Variants in MED27 observed in about 807,000 individuals in gnomAD.
MED27 encodes the protein mediator of RNA polymerase II transcription subunit 27.
MED27 carries 30 observed loss-of-function variants against 38.2 expected under a neutral mutation model. The observed-to-expected ratio is 0.79, with a 90% CI of 0.59 to 1.07. The LOEUF (loss-of-function observed/expected upper bound fraction) is 1.07, where lower values mean the gene tolerates loss of function less well. Among genes scored for constraint, MED27 ranks in the 50% least tolerant of loss-of-function variants. The pLI, the probability that MED27 is intolerant of heterozygous loss-of-function variation, is 0.00. For synonymous variants in MED27, 122 were observed against 153.5 expected (o/e 0.79, Z 1.52); for missense variants, 289 against 397.5 (o/e 0.73, Z 2.32).
intron 5 of MED27, among the ~76,000 whole-genome samples, chr9:131,888,034 C>T (rs575296113): frequency 1.2e-4 from 18 of 152,226 alleles, no homozygotes; most frequent in African/African-American, 2.4e-4. Context: ...ACAGGAAGAA[C>T]TGGTGAAAAT....
intron 3 of MED27, among the ~76,000 whole-genome samples, chr9:131,958,901 T>C (rs1364862754): frequency 6.6e-6 from 1 of 152,236 alleles, no homozygotes; most frequent in Non-Finnish European, 1.5e-5. Context: ...CTGAGCAGAA[T>C]TTCAGCAGGA....
rs1442623862 is a variant in MED27 at position 131,893,865 on chromosome 9, CA to C, written c.681+19del. 3 of 1,579,544 alleles carry C rather than the reference CA, an allele frequency of 1.9e-6. No homozygotes were observed. The South Asian group carries it at 3.3e-5, about 18-fold the overall frequency. On this transcript the variant is annotated intron_variant, in intron 5 of 7. Transcript: ENST00000292035. ...GGGATACAGAAAACCAAGGAACACACAAGACTGCACAATGCTTACCTTGCCA... is the reference window on the plus strand; with the variant it reads ...GGGATACAGAAAACCAAGGAACACACAGACTGCACAATGCTTACCTTGCCA...
chr9:131,894,474 T>C (rs558875645), intron 4 of MED27, among the ~76,000 whole-genome samples: 1 of 152,150 alleles, frequency 6.6e-6, no homozygotes, highest in Non-Finnish European at 1.5e-5. Flanking sequence ...TATCTATTTA[T>C]AGTAACTGGT....
rs573930865 is a variant in MED27, at chr9:132,003,265, A to G, written c.479+11072T>C. 3.9e-5 allele frequency among the ~76,000 whole-genome samples: 6 copies of G among 152,376 alleles called. No homozygotes were observed. The highest frequency in any genetic ancestry group is 1.9e-4 in the East Asian group (1 of 5,194). Reference sequence around the variant, plus strand: ...ATGCAATTAGAGGATGCAATGAAATATAATTTTCAGACTGCTTCTGCAGGC... The same window carrying G: ...ATGCAATTAGAGGATGCAATGAAATGTAATTTTCAGACTGCTTCTGCAGGC... On this transcript the variant is annotated intron_variant, in intron 3 of 7. Coordinates refer to ENST00000292035, the MANE Select transcript of MED27 (RefSeq NM_004269.4). This position sits in a 1 kb window ranked among gnomAD's most constrained non-coding sequence, Gnocchi z 4.2.
At chr9:131,999,201 C>T (rs368130880) in intron 3 of MED27, among the ~76,000 whole-genome samples, 9 of 152,146 alleles carry the variant, frequency 5.9e-5, no homozygotes, top group East Asian at 3.9e-4. Context: ...ATATCTTTGC[C>T]GGAGCCCCAA....
At position 131,862,643 on chromosome 9, in the gene MED27, T is replaced by C. The variant is rs1269288741; in HGVS notation, c.801+420A>G. On this transcript the variant is annotated intron_variant, in intron 7 of 7. Coordinates refer to ENST00000292035, the MANE Select transcript of MED27 (RefSeq NM_004269.4). This position sits in a 1 kb window ranked among gnomAD's most constrained non-coding sequence, Gnocchi z 4.6. ...TGCAGCACCCCATTGGAATGGCTGC[T>C]TTGGGGCTGCTATCATCTCGAGCTC... Among the ~76,000 whole-genome samples the C allele has an allele frequency of 1.3e-5, 2 of 152,148 alleles. No homozygotes were observed. Among genetic ancestry groups the C allele is most frequent in the African/African-American group, 2.4e-5 (1 of 41,426 alleles).
intron 5 of MED27, among the ~76,000 whole-genome samples, chr9:131,890,928 T>G (rs998064154): frequency 6.6e-6 from 1 of 152,230 alleles, no homozygotes; most frequent in African/African-American, 2.4e-5. Flanking sequence ...TTGTTAGTAT[T>G]TTTATTAATT....
rs571264220 is a variant in MED27 at position 131,998,532 on chromosome 9, G to A, written c.479+15805C>T. Among the ~76,000 whole-genome samples the A allele has an allele frequency of 1.3e-3, 197 of 152,250 alleles. 1 individual carries two copies. The highest frequency in any genetic ancestry group is 2.0e-3 in the African/African-American group (85 of 41,534). ...TCTTCCAGGTCTGGGTTTTCATGAC[G>A]CTCTAAATACTACCCAACGATGTCA... On this transcript the variant is annotated intron_variant, in intron 3 of 7. Coordinates refer to ENST00000292035, the MANE Select transcript of MED27 (RefSeq NM_004269.4).
chr9:131,911,390 T>C (rs1830184226), intron 4 of MED27, among the ~76,000 whole-genome samples: 1 of 152,196 alleles, frequency 6.6e-6, no homozygotes, highest in Non-Finnish European at 1.5e-5. Flanking sequence ...TTCATCCCTC[T>C]TGCAAGTCAA....
intron 2 of MED27, among the ~76,000 whole-genome samples, chr9:132,043,633 A>C (rs549136576): frequency 1.3e-5 from 2 of 152,210 alleles, no homozygotes; most frequent in Non-Finnish European, 2.9e-5. Context: ...GAAAAGAGTA[A>C]ACTGAAAAAA....
intron 2 of MED27, among the ~76,000 whole-genome samples, chr9:132,066,515 G>T (rs750630695): frequency 3.9e-5 from 6 of 152,252 alleles, no homozygotes; most frequent in Non-Finnish European, 7.3e-5. Flanking sequence ...TCCCCAGTGT[G>T]ATGTGAGGGT....
intron 4 of MED27, among the ~76,000 whole-genome samples, chr9:131,915,995 T>G (rs745950286): frequency 6.6e-6 from 1 of 152,252 alleles, no homozygotes; most frequent in Non-Finnish European, 1.5e-5. Context: ...AATTAACTTT[T>G]ATTAAAATCC....
chr9:131,863,986 C>T (rs1043475243), intron 6 of MED27, among the ~76,000 whole-genome samples: 4 of 152,186 alleles, frequency 2.6e-5, no homozygotes, highest in South Asian at 2.1e-4. Flanking sequence ...ATCCTCTCTG[C>T]GTCTCCATGC....
chr9:131,897,236 T>C (rs1829846807), intron 4 of MED27, among the ~76,000 whole-genome samples: 1 of 152,266 alleles, frequency 6.6e-6, no homozygotes, highest in Non-Finnish European at 1.5e-5. Context: ...GTGTATATTT[T>C]TGTTCACAAA....
At chr9:131,989,701 A>T (rs554479841) in intron 3 of MED27, among the ~76,000 whole-genome samples, 18 of 152,108 alleles carry the variant, frequency 1.2e-4, no homozygotes, top group Non-Finnish European at 1.9e-4. Context: ...ACCATACAAT[A>T]AACTTTTGTG....
intron 3 of MED27, among the ~76,000 whole-genome samples, chr9:131,955,646 A>C (rs1260550066): frequency 6.6e-6 from 1 of 152,214 alleles, no homozygotes; most frequent in African/African-American, 2.4e-5. Context: ...GACGAAGTGG[A>C]TGTCTTTGAA....
rs1371402619 is a variant in MED27 at position 132,051,985 on chromosome 9, A to C, written c.348+25457T>G. 1.3e-5 allele frequency among the ~76,000 whole-genome samples: 2 copies of C among 152,218 alleles called. No individual in the cohort carries two copies. The highest frequency in any genetic ancestry group is 2.9e-5 in the Non-Finnish European group (2 of 68,038). ...ACAAAACAACTGTGTTCCAGGAAAA[A>C]GGGCAACAGGAGAAAATAACATGGC... is the stretch of plus-strand genomic sequence containing the variant. On this transcript the variant is annotated intron_variant, in intron 2 of 7. Coordinates refer to ENST00000292035, the MANE Select transcript of MED27 (RefSeq NM_004269.4). This position sits in a 1 kb window ranked among gnomAD's most constrained non-coding sequence, Gnocchi z 4.2.
intron 3 of MED27, among the ~76,000 whole-genome samples, chr9:131,958,393 G>A (rs1420488711): frequency 6.6e-6 from 1 of 151,944 alleles, no homozygotes; most frequent in Non-Finnish European, 1.5e-5. Flanking sequence ...TTACAGGCGT[G>A]CGCCACCGTG....
At chr9:131,953,777 G>GT (rs35310508) in intron 3 of MED27, among the ~76,000 whole-genome samples, 33 of 150,452 alleles carry the variant, frequency 2.2e-4, no homozygotes, top group East Asian at 9.8e-4. Context: ...AAATTGTGGG[G>GT]TTTTTTTTCC....
Sources: allele counts gnomAD v4.1 joint callset (sites outside exome capture counted in the v4.1 genomes callset), GRCh38; gene constraint gnomAD v4.1.1; non-coding constraint Gnocchi (gnomAD v3.1); transcripts MANE v1.5; gene names NCBI Gene and HGNC (gene_info 2026-07-23, HGNC 2026-07-21).